PCBP3: variants seen among roughly 807,000 people sequenced by gnomAD.
PCBP3 encodes poly(rC)-binding protein 3.
In PCBP3, 25 loss-of-function variants were observed where a neutral mutation model predicts 52.7. The ratio of observed to expected loss-of-function variants is 0.47; its 90% CI spans 0.35 to 0.66. PCBP3 has a LOEUF of 0.66. Among genes scored for constraint, PCBP3 ranks in the 30% least tolerant of loss-of-function variants. The pLI is 0.01. For synonymous variants in PCBP3, 162 were observed against 183.0 expected, an observed-to-expected ratio of 0.89 and a Z score of 0.93; for missense variants, 391 against 490.3, an observed-to-expected ratio of 0.80 and a Z score of 1.91.
chr21:45,875,590 C>T (rs1482844767), intron 5 of PCBP3, among the ~76,000 whole-genome samples: 1 of 152,226 alleles, frequency 6.6e-6, no homozygotes, highest in African/African-American at 2.4e-5. Context: ...CTGCCCACAC[C>T]AGCTTCCCCC....
intron 5 of PCBP3, 120 bp downstream of exon 5, chr21:45,850,215 G>A (rs1414409324): frequency 4.8e-6 from 4 of 832,372 alleles, no homozygotes; most frequent in Non-Finnish European, 8.1e-6. Flanking sequence ...ATTTCACCCT[G>A]CTTCAGTCCA....
At chr21:45,795,388 T>C (rs987556550) in intron 4 of PCBP3, among the ~76,000 whole-genome samples, 1 of 151,738 alleles carries the variant, frequency 6.6e-6, no homozygotes, top group African/African-American at 2.4e-5. Context: ...CACAAATATC[T>C]CTGCCATGTA....
intron 5 of PCBP3, among the ~76,000 whole-genome samples, chr21:45,857,176 G>A (rs987362657): frequency 6.6e-6 from 1 of 152,182 alleles, no homozygotes; most frequent in Non-Finnish European, 1.5e-5. Flanking sequence ...AGATGCAAAT[G>A]TTCCCCCACA....
At chr21:45,780,198 T>G (rs1159811351) in intron 4 of PCBP3, among the ~76,000 whole-genome samples, 1 of 152,254 alleles carries the variant, frequency 6.6e-6, no homozygotes, top group Non-Finnish European at 1.5e-5. Flanking sequence ...CGTGTGATCT[T>G]GCGTGAGGCA....
At chr21:45,914,142 C>T in intron 12 of PCBP3, 117 bp downstream of exon 12, 2 of 1,543,140 alleles carry the variant, frequency 1.3e-6, no homozygotes, top group East Asian at 2.5e-5. Flanking sequence ...CGTCTCCCAC[C>T]CGTGCTGGAG....
chr21:45,677,426 T>C (rs2081537865), intron 2 of PCBP3, among the ~76,000 whole-genome samples: 1 of 152,224 alleles, frequency 6.6e-6, no homozygotes, highest in African/African-American at 2.4e-5. Flanking sequence ...GGTTGGTTCA[T>C]GGGATTTAAG....
At chr21:45,885,300 T>C (rs563723009) in intron 5 of PCBP3, among the ~76,000 whole-genome samples, 1 of 152,326 alleles carries the variant, frequency 6.6e-6, no homozygotes, top group South Asian at 2.1e-4. Context: ...ATGTCCCTCT[T>C]GCTGCTTGCA....
intron 5 of PCBP3, among the ~76,000 whole-genome samples, chr21:45,851,722 T>G (rs1051856545): frequency 6.6e-6 from 1 of 152,182 alleles, no homozygotes; most frequent in East Asian, 1.9e-4. Context: ...TTTGAAAACA[T>G]AGGTGAAATT....
chr21:45,747,421 C>T (rs1193008808), intron 3 of PCBP3, among the ~76,000 whole-genome samples: 5 of 152,226 alleles, frequency 3.3e-5, no homozygotes, highest in Admixed American at 2.6e-4. Flanking sequence ...CACCAGGCCG[C>T]GGGGTGAGCT....
intron 9 of PCBP3, chr21:45,901,650 G>C (rs1376233781): frequency 9.8e-6 from 1 of 101,944 alleles, no homozygotes; most frequent in African/African-American, 5.0e-5. Context: ...GAGACAGAGA[G>C]AGAGACAGAG....
At chr21:45,920,865 A>G (rs2074341686) in intron 13 of PCBP3, among the ~76,000 whole-genome samples, 1 of 152,172 alleles carries the variant, frequency 6.6e-6, no homozygotes, top group African/African-American at 2.4e-5. Context: ...TGAGCCACAC[A>G]TTTATGCTGT....
chr21:45,792,195 C>G (rs745585499), intron 4 of PCBP3, among the ~76,000 whole-genome samples: 1 of 152,268 alleles, frequency 6.6e-6, no homozygotes, highest in Non-Finnish European at 1.5e-5. Context: ...AATTGTGTTT[C>G]CAGCCTTTAT....
intron 4 of PCBP3, among the ~76,000 whole-genome samples, chr21:45,768,320 A>G (rs946470611): frequency 6.6e-5 from 10 of 152,210 alleles, no homozygotes; most frequent in African/African-American, 2.4e-4. Flanking sequence ...CAGCACTGCG[A>G]GACTCTCACG....
intron 4 of PCBP3, among the ~76,000 whole-genome samples, chr21:45,798,433 A>C (rs111962896): frequency 6.9e-6 from 1 of 144,458 alleles, no homozygotes; most frequent in African/African-American, 2.6e-5. Flanking sequence ...GCATGGATCC[A>C]TAGAGAGAGT....
intron 4 of PCBP3, among the ~76,000 whole-genome samples, chr21:45,784,409 G>GCTACCT (rs1569218005): frequency 3.4e-3 from 281 of 82,854 alleles, no homozygotes; most frequent in African/African-American, 8.3e-3. Context: ...TACCTCTACC[G>GCTACCT]CTACCGCTAC....
intron 5 of PCBP3, among the ~76,000 whole-genome samples, chr21:45,886,133 A>T (rs9984663): frequency 1.4e-5 from 1 of 70,614 alleles, no homozygotes; most frequent in Non-Finnish European, 3.5e-5. Flanking sequence ...GGTACCAAGG[A>T]CAGAGGACAT....
chr21:45,743,957 G>A (rs985468239), intron 3 of PCBP3, among the ~76,000 whole-genome samples: 5 of 152,000 alleles, frequency 3.3e-5, no homozygotes, highest in Admixed American at 6.6e-5. Flanking sequence ...AAGCTGCTAA[G>A]CCTGGAGCCT....
chr21:45,697,685 C>T (rs1186983484), intron 2 of PCBP3, among the ~76,000 whole-genome samples: 1 of 150,820 alleles, frequency 6.6e-6, no homozygotes, highest in Non-Finnish European at 1.5e-5. Context: ...GTGAAGGCTG[C>T]AGTGAGCCAT....
chr21:45,900,650 C>G, intron 8 of PCBP3, 27 bp downstream of exon 8: 1 of 1,468,028 alleles, frequency 6.8e-7, no homozygotes, highest in Non-Finnish European at 9.5e-7. Flanking sequence ...CCCACCTGTC[C>G]GCAGCCATTC....
Sources: gnomAD v4.1 joint callset for allele counts (sites outside exome capture counted in the v4.1 genomes callset) on GRCh38, gnomAD v4.1.1 for gene constraint, MANE v1.5 for transcripts, NCBI Gene and HGNC (gene_info 2026-07-23, HGNC 2026-07-21) for gene names.